The following CHAF1B variants were observed in gnomAD, a reference collection of about 807,000 sequenced individuals.
CHAF1B encodes chromatin assembly factor 1 subunit B.
In CHAF1B, 10 loss-of-function variants were observed where a neutral mutation model predicts 60.7. The observed-to-expected ratio is 0.16, with a 90% CI of 0.10 to 0.28. The LOEUF (loss-of-function observed/expected upper bound fraction) is 0.28. Among genes scored for constraint, CHAF1B ranks in the 10% least tolerant of loss-of-function variants. The pLI is 1.00. For missense variants in CHAF1B, 558 were observed against 708.4 expected (o/e 0.79, Z 2.41); for synonymous variants, 261 against 266.1 (o/e 0.98, Z 0.19).
chr21:36,389,800 T>TGTGTGTGTGTGTGTGCGCGC, intron 3 of CHAF1B, among the ~76,000 whole-genome samples: 17 of 124,798 alleles, frequency 1.4e-4, no homozygotes, highest in African/African-American at 1.8e-4. Context: ...TGTGTGTGTG[T>TGTGTGTGTGTGTGTGCGCGC]GCGCGCGCAC....
rs2898286 is a variant in CHAF1B at position 36,418,174 on chromosome 21, C to T, written c.*1808C>T. ...GATTACAGGCACCCGCCACCACGCC[C>T]GGCTAATTTTTGTATTTTTAGTAGA... On this transcript the variant is annotated 3_prime_UTR_variant, in exon 14 of 14. Coordinates refer to ENST00000314103, the MANE Select transcript of CHAF1B (RefSeq NM_005441.3). 11,962 of 152,110 alleles carry T rather than the reference C, an allele frequency of 0.079. 757 individuals carry two copies. The highest frequency in any genetic ancestry group is 0.18 in the African/African-American group (7,570 of 41,432). The allele number at this position is 152,110 out of a possible 1,614,324, so 9.4% of individuals were successfully genotyped here.
At chr21:36,399,181 C>T (rs1241353802) in intron 6 of CHAF1B, among the ~76,000 whole-genome samples, 1 of 151,618 alleles carries the variant, frequency 6.6e-6, no homozygotes, top group Non-Finnish European at 1.5e-5. Flanking sequence ...ATTACAGGCG[C>T]CCACCACCAC....
intron 1 of CHAF1B, 141 bp from the exon 2 acceptor site, chr21:36,385,919 G>A: frequency 2.0e-6 from 1 of 510,618 alleles, no homozygotes. Flanking sequence ...CATTTTAGGT[G>A]GAGCTAGCAA....
intron 3 of CHAF1B, among the ~76,000 whole-genome samples, chr21:36,390,160 C>T (rs2086074771): frequency 6.6e-6 from 1 of 151,782 alleles, no homozygotes; most frequent in Non-Finnish European, 1.5e-5. Flanking sequence ...ATGGAGAAAC[C>T]TCGTCTCTAC....
rs1399197206 is a variant in CHAF1B, at chr21:36,413,010, T to C, written c.1188T>C (p.Asp396=). 12 of 1,614,036 alleles carry C rather than the reference T, an allele frequency of 7.4e-6. No homozygotes were observed. Among genetic ancestry groups the C allele is most frequent in the Admixed American group, 1.7e-5 (1 of 59,992 alleles). ...EKPVLNMRTP[D]TAKKTKSQTH... ...CAGTTTTGAACATGAGAACTCCTGATACAGCAAAGAAAACCAAGAGTCAGA... is the reference window on the plus strand; with the variant it reads ...CAGTTTTGAACATGAGAACTCCTGACACAGCAAAGAAAACCAAGAGTCAGA... The change falls in exon 12 of 14, where the codon GAT becomes GAC. Residue 396 remains aspartate, a synonymous_variant. Coordinates refer to ENST00000314103, the MANE Select transcript of CHAF1B (RefSeq NM_005441.3).
intron 5 of CHAF1B, among the ~76,000 whole-genome samples, chr21:36,396,559 C>T (rs1180816247): frequency 6.6e-6 from 1 of 151,066 alleles, no homozygotes; most frequent in Admixed American, 6.6e-5. Context: ...GCTACTAGGG[C>T]TGCTAAGTCT....
chr21:36,405,560 G>A (rs553745640), intron 8 of CHAF1B, among the ~76,000 whole-genome samples: 3 of 152,174 alleles, frequency 2.0e-5, no homozygotes, highest in African/African-American at 7.2e-5. Context: ...CTCCCTACTA[G>A]CTGGGACCAC....
chr21:36,396,358 CA>C (rs777079304), intron 5 of CHAF1B, among the ~76,000 whole-genome samples: 1,909 of 52,872 alleles, frequency 0.036, 21 homozygotes, highest in African/African-American at 0.1. Flanking sequence ...CCAAAAACCT[CA>C]AAAAAAAAAA....
At chr21:36,404,623 G>A (rs1477460405) in intron 8 of CHAF1B, among the ~76,000 whole-genome samples, 2 of 150,628 alleles carry the variant, frequency 1.3e-5, no homozygotes, top group African/African-American at 4.9e-5. Flanking sequence ...TAGTAGAGAC[G>A]GGGTTTCTCC....
intron 5 of CHAF1B, among the ~76,000 whole-genome samples, chr21:36,396,833 T>C (rs1906483): frequency 0.36 from 54,512 of 151,878 alleles, 12,291 homozygotes; most frequent in African/African-American, 0.64. Context: ...TCCTAACTAG[T>C]GACCCTCTTT....
intron 7 of CHAF1B, 132 bp from the exon 8 acceptor site, chr21:36,402,626 A>T (rs1601563765): frequency 1.5e-6 from 1 of 681,568 alleles, no homozygotes; most frequent in Non-Finnish European, 2.5e-6. Context: ...GACACTATGT[A>T]AAGAAAACCA....
chr21:36,412,770 T>A lies in CHAF1B; in HGVS notation c.1062-114T>A. The A allele has an allele frequency of 5.3e-6, 5 of 940,354 alleles. No individual in the cohort carries two copies. The South Asian group carries it at 8.6e-5, about 16-fold the overall frequency. 58.3% of individuals were successfully genotyped at this position (940,354 alleles called of 1,614,324 possible). ...CACACACTCTTTTCCAGTTGTATCT[T>A]TTCCCTGGTTTTTGCCTTCAAACAA... On this transcript the variant is annotated intron_variant, in intron 11 of 13. Coordinates refer to ENST00000314103, the MANE Select transcript of CHAF1B (RefSeq NM_005441.3).
chr21:36,412,553 G>A (rs1422886024), intron 11 of CHAF1B, among the ~76,000 whole-genome samples: 2 of 152,208 alleles, frequency 1.3e-5, no homozygotes, highest in African/African-American at 2.4e-5. Context: ...GTAGAGACAG[G>A]GTTTCACCAT....
chr21:36,402,668 T>C (rs2086200791), intron 7 of CHAF1B, 90 bp from the exon 8 acceptor site: 1 of 1,011,312 alleles, frequency 9.9e-7, no homozygotes. Flanking sequence ...AAGCGTTTAT[T>C]TGTGAGTGTA....
Position 36,410,002 on chromosome 21 carries a change from C to T in CHAF1B, c.919+537C>T, listed in dbSNP as rs558091678. On this transcript the variant is annotated intron_variant, in intron 10 of 13. Coordinates refer to ENST00000314103, the MANE Select transcript of CHAF1B (RefSeq NM_005441.3). ...TTTTTGAGATGGGGTCTTGCTCTGT[C>T]GCCCAGGCTGGAGTGCAGTGGTGCA... is the stretch of plus-strand genomic sequence containing the variant. Among the ~76,000 whole-genome samples the T allele has an allele frequency of 3.1e-3, 463 of 148,426 alleles. 2 individuals carry two copies. The highest frequency in any genetic ancestry group is 0.011 in the African/African-American group (430 of 40,196).
Position 36,398,419 on chromosome 21 carries a change from G to A in CHAF1B, c.578+908G>A, listed in dbSNP as rs1039372347. On this transcript the variant is annotated intron_variant, in intron 6 of 13. Transcript: ENST00000314103. ...CTGTCACTCTGGCTGGAATGCAGTG[G>A]TGCGATCTCGGCATACTGTAACCTC... Among the ~76,000 whole-genome samples the A allele has an allele frequency of 2.6e-5, 4 of 152,008 alleles. No individual in the cohort carries two copies. The East Asian group carries it at 5.8e-4, about 22-fold the overall frequency.
intron 9 of CHAF1B, 126 bp from the exon 10 acceptor site, chr21:36,409,248 G>C (rs2086259431): frequency 3.2e-6 from 2 of 620,736 alleles, no homozygotes; most frequent in South Asian, 3.9e-5. Context: ...TGATCCGCCT[G>C]CCTCCTCCTC....
intron 6 of CHAF1B, 159 bp downstream of exon 6, chr21:36,397,670 G>T: frequency 2.8e-6 from 1 of 353,280 alleles, no homozygotes; most frequent in Non-Finnish European, 5.1e-6. Context: ...ATCAGAAATT[G>T]GAAATTAATT....
chr21:36,404,324 C>A (rs1468008730), intron 8 of CHAF1B, among the ~76,000 whole-genome samples: 1 of 150,878 alleles, frequency 6.6e-6, no homozygotes, highest in Non-Finnish European at 1.5e-5. Context: ...TGGTCTCAAA[C>A]TCCTGACCTT....
Sources: allele counts gnomAD v4.1 joint callset (sites outside exome capture counted in the v4.1 genomes callset), GRCh38; gene constraint gnomAD v4.1.1; transcripts MANE v1.5; gene names NCBI Gene and HGNC (gene_info 2026-07-23, HGNC 2026-07-21).